RBPJL: variants seen among roughly 807,000 people sequenced by gnomAD.
RBPJL encodes recombination signal binding protein for immunoglobulin kappa J region like.
Under a neutral mutation model 57.6 loss-of-function variants are expected in RBPJL, and 50 were observed. The observed-to-expected ratio is 0.87, with a 90% confidence interval of 0.69 to 1.10. The LOEUF (loss-of-function observed/expected upper bound fraction) is 1.10. Among genes scored for constraint, RBPJL ranks in the 50% least tolerant of loss-of-function variants. RBPJL has a pLI of 0.00. For missense variants in RBPJL, 684 were observed against 693.7 expected, an observed-to-expected ratio of 0.99 and a Z score of 0.16; for synonymous variants, 303 against 294.4, an observed-to-expected ratio of 1.03 and a Z score of -0.30.
Position 45,314,105 on chromosome 20 carries a change from G to A in RBPJL, c.828G>A (p.Gln276=), listed in dbSNP as rs1357529546. 1 of 1,614,200 alleles carries A rather than the reference G, an allele frequency of 6.2e-7. No individual in the cohort carries two copies. The highest frequency in any genetic ancestry group is 1.7e-5 in the Admixed American group (1 of 60,032). ...ACGTTCGCTATGGCTCCCTGGTGCA[G>A]CTCGTCTGCACGGTCACCGGCATCA... ...EGYVRYGSLV[Q]LVCTVTGITL... The change falls in exon 8 of 12, where the codon CAG becomes CAA. Residue 276 remains glutamine, a synonymous_variant. Transcript: ENST00000343694.
intron 9 of RBPJL, chr20:45,315,808 A>G: frequency 6.2e-6 from 1 of 161,160 alleles, no homozygotes. Flanking sequence ...AGAAAGAAAA[A>G]GAAAGAAAGA....
At chr20:45,311,066 G>A (rs1171927820) in intron 3 of RBPJL, among the ~76,000 whole-genome samples, 2 of 145,002 alleles carry the variant, frequency 1.4e-5, no homozygotes, top group African/African-American at 2.6e-5. Context: ...CCAGACAGCC[G>A]AGATCAAGTT....
chr20:45,314,323 C>T (rs1376630007), intron 8 of RBPJL, 90 bp from the exon 9 acceptor site: 2 of 1,443,862 alleles, frequency 1.4e-6, no homozygotes, highest in Non-Finnish European at 9.6e-7. Context: ...GCCTGTGTGG[C>T]TATTGGAGTA....
rs527993473 is a variant in RBPJL at position 45,312,030 on chromosome 20, C to T, written c.444+76C>T. The T allele has an allele frequency of 1.5e-5, 22 of 1,447,358 alleles. No individual in the cohort carries two copies. The South Asian group carries it at 2.4e-4, about 16-fold the overall frequency. 89.7% of individuals were successfully genotyped at this position (1,447,358 alleles called of 1,614,324 possible). A position where few individuals can be genotyped will look rare whatever the true frequency, so the allele number is the denominator to read the frequency against. Reference sequence around the variant, plus strand: ...CTGGGAAAGGAGGGCTCCTTTACTCCCCTCCGAAAGCCAAGAGATAGGTGG... The same window carrying T: ...CTGGGAAAGGAGGGCTCCTTTACTCTCCTCCGAAAGCCAAGAGATAGGTGG... On this transcript the variant is annotated intron_variant, in intron 5 of 11. Coordinates refer to ENST00000343694, the MANE Select transcript of RBPJL (RefSeq NM_014276.4).
Position 45,316,886 on chromosome 20 carries a change from A to G in RBPJL, c.1481A>G (p.Asp494Gly). Residue 494 changes from aspartate to glycine, a missense_variant, in exon 12 of 12, where the codon GAC becomes GGC. Transcript: ENST00000343694. ...CCCGGCGTCCCCGAGCCCGCCACCGACGCCGACGCGCTCCTGGAGAGCATC... is the reference window on the plus strand; with the variant it reads ...CCCGGCGTCCCCGAGCCCGCCACCGGCGCCGACGCGCTCCTGGAGAGCATC... ...GHPGVPEPAT[D>G]ADALLESIHQ... 1 of 1,613,524 alleles carries G rather than the reference A, an allele frequency of 6.2e-7. No homozygotes were observed.
Position 45,313,579 on chromosome 20 carries a change from A to G in RBPJL, c.731A>G (p.Gln244Arg). The change falls in exon 7 of 12, where the codon CAG becomes CGG. Residue 244 changes from glutamine (Q) to arginine (R), a missense_variant. By Grantham distance (43) the Gln-to-Arg change is conservative (BLOSUM62 1). Transcript: ENST00000343694. ...EDGAFVASAR[Q>R]WAAFTLHLAD... ...GGGGCCTTTGTGGCCAGTGCACGAC[A>G]GTGGGCTGCCTTCACGCTCCACCTG... 2 of 1,611,854 alleles carry G rather than the reference A, an allele frequency of 1.2e-6. No homozygotes were observed. The highest frequency in any genetic ancestry group is 1.7e-6 in the Non-Finnish European group (2 of 1,178,638).
At chr20:45,311,810 T>C in intron 4 of RBPJL, 29 bp from the exon 5 acceptor site, 3 of 1,541,978 alleles carry the variant, frequency 1.9e-6, no homozygotes, top group South Asian at 1.2e-5. Context: ...TCCCGAGTCC[T>C]TGCAGAGCCA....
At chr20:45,314,217 G>A (rs1359092798) in intron 8 of RBPJL, 73 bp downstream of exon 8, 3 of 1,411,930 alleles carry the variant, frequency 2.1e-6, no homozygotes, top group South Asian at 2.4e-5. Context: ...CACGGGCAGG[G>A]CTGGAGAGTG....
Position 45,316,923 on chromosome 20 carries a change from C to G in RBPJL, c.1518C>G (p.Phe506Leu), listed in dbSNP as rs142326144. 1.9e-4 allele frequency: 314 copies of G among 1,613,138 alleles called. 1 individual carries two copies. Among genetic ancestry groups the G allele is most frequent in the Non-Finnish European group, 2.2e-4 (262 of 1,179,468 alleles). The change falls in exon 12 of 12, where the codon TTC (phenylalanine) becomes TTG (leucine). Residue 506 changes from phenylalanine (F) to leucine (L), a missense_variant. Coordinates refer to ENST00000343694, the MANE Select transcript of RBPJL (RefSeq NM_014276.4). Reference protein sequence around the residue: ...DALLESIHQEFTRTNFHLFIQ... With the variant: ...DALLESIHQELTRTNFHLFIQ... ...TCCTGGAGAGCATCCATCAGGAGTT[C>G]ACGCGCACCAACTTCCACCTCTTCA...
At chr20:45,313,192 T>C (rs1029158861) in intron 6 of RBPJL, among the ~76,000 whole-genome samples, 8 of 152,016 alleles carry the variant, frequency 5.3e-5, no homozygotes, top group African/African-American at 1.9e-4. Context: ...GACAGAAGAT[T>C]GGAAACTGTC....
intron 9 of RBPJL, among the ~76,000 whole-genome samples, chr20:45,315,541 C>A (rs1490271596): frequency 1.3e-5 from 2 of 151,898 alleles, no homozygotes; most frequent in Non-Finnish European, 2.9e-5. Flanking sequence ...GAGTTTGAGA[C>A]CAGCCTGGCC....
intron 2 of RBPJL, 30 bp downstream of exon 2, chr20:45,308,281 T>C (rs771717715): frequency 6.9e-7 from 1 of 1,447,750 alleles, no homozygotes. Flanking sequence ...GTGCCCTAGG[T>C]GGGGACTGCC....
intron 7 of RBPJL, 111 bp downstream of exon 7, chr20:45,313,716 A>G: frequency 8.3e-7 from 1 of 1,200,094 alleles, no homozygotes; most frequent in Non-Finnish European, 1.1e-6. Context: ...ATTAAGGCTC[A>G]GAAACACAAA....
In RBPJL at chr20:45,313,078, A is replaced by G. The variant is rs572808861; in HGVS notation, c.620-390A>G. Among the ~76,000 whole-genome samples, 3 of 152,232 alleles carry G rather than the reference A, an allele frequency of 2.0e-5. No homozygotes were observed. In the East Asian group the frequency reaches 5.8e-4, roughly 29 times the overall value. On this transcript the variant is annotated intron_variant, in intron 6 of 11. Transcript: ENST00000343694. ...ATGTCCAGACAGCAAAGGAACAGGC[A>G]AAGGTTCCAAAGCAGGACTGCAGCA... is the stretch of plus-strand genomic sequence containing the variant.
rs200856302 is a variant in RBPJL, at chr20:45,316,474, C to G, written c.1177-3C>G. 2 of 1,549,132 alleles carry G rather than the reference C, an allele frequency of 1.3e-6. No homozygotes were observed. Among genetic ancestry groups the G allele is most frequent in the Non-Finnish European group, 1.7e-6 (2 of 1,146,646 alleles). On this transcript the variant is annotated splice_region_variant and splice_polypyrimidine_tract_variant and intron_variant, in intron 10 of 11. Transcript: ENST00000343694. ...CACCTCACCTGGTCCCACCCTCCCC[C>G]AGCTGAGCGGCGGGGGCGACGTGGC...
intron 3 of RBPJL, among the ~76,000 whole-genome samples, chr20:45,311,121 AAAAAAAAAAAG>A (rs1987140850): frequency 6.6e-6 from 1 of 151,362 alleles, no homozygotes. Flanking sequence ...TGCCTCAAAA[AAAAAAAAAAAG>A]AAAAAGAAAA....
At chr20:45,307,114 CTT>C (rs1986777110) in intron 1 of RBPJL, among the ~76,000 whole-genome samples, 170 bp downstream of exon 1, 1 of 151,812 alleles carries the variant, frequency 6.6e-6, no homozygotes, top group Non-Finnish European at 1.5e-5. Flanking sequence ...CCTTCTCTCT[CTT>C]GAGGCCCCCT....
chr20:45,317,125 C>A lies in RBPJL; in HGVS notation c.*166C>A. The A allele has an allele frequency of 2.8e-6, 2 of 721,536 alleles. No homozygotes were observed. The highest frequency in any genetic ancestry group is 4.0e-4 in the Middle Eastern group (1 of 2,510). The allele number at this position is 721,536 out of a possible 1,614,324, so 44.7% of individuals were successfully genotyped here. A position where few individuals can be genotyped will look rare whatever the true frequency, so the allele number is the denominator to read the frequency against. ...CTGGTGGGTCTTACCCGGCTCACTC[C>A]CTCCCTTGTCCTTACACATACAGGA... On this transcript the variant is annotated 3_prime_UTR_variant, in exon 12 of 12. Transcript: ENST00000343694.
Position 45,312,230 on chromosome 20 carries a change from T to G in RBPJL, c.454T>G (p.Cys152Gly), listed in dbSNP as rs1170524692. ...EQQPDSREFG[C>G]AKTLYISDAD... ...CCTGTGAGCCCCCTAGGAATTCGGC[T>G]GCGCCAAGACCCTGTACATCTCAGA... The change falls in exon 6 of 12, where the codon TGC becomes GGC. Residue 152 changes from cysteine (C) to glycine (G), a missense_variant. By Grantham distance (159) the Cys-to-Gly change is radical. Coordinates refer to ENST00000343694, the MANE Select transcript of RBPJL (RefSeq NM_014276.4). 6.2e-7 allele frequency: 1 copy of G among 1,614,210 alleles called. No individual in the cohort carries two copies. The highest frequency in any genetic ancestry group is 8.5e-7 in the Non-Finnish European group (1 of 1,180,036).
Sources: allele counts gnomAD v4.1 joint callset (sites outside exome capture counted in the v4.1 genomes callset), GRCh38; gene constraint gnomAD v4.1.1; transcripts MANE v1.5; gene names NCBI Gene and HGNC (gene_info 2026-07-23, HGNC 2026-07-21).